The following HSD17B4 variants were observed in gnomAD, a reference collection of about 807,000 sequenced individuals.
The protein encoded by HSD17B4 is hydroxysteroid 17-beta dehydrogenase 4.
Under a neutral mutation model 101.0 loss-of-function variants are expected in HSD17B4, and 70 were observed. The observed-to-expected ratio is 0.69, with a 90% CI of 0.57 to 0.85. The LOEUF (loss-of-function observed/expected upper bound fraction) is 0.85. Ranked by LOEUF, HSD17B4 falls within the 40% of genes least tolerant of loss-of-function variation. The probability of loss-of-function intolerance (pLI) is 0.00; values close to 1 mark genes in which losing one functional copy is unlikely to be tolerated. For synonymous variants in HSD17B4, 347 were observed against 297.1 expected (o/e 1.17, Z -1.73); for missense variants, 984 against 892.4 (o/e 1.10, Z -1.31).
intron 4 of HSD17B4, among the ~76,000 whole-genome samples, chr5:119,474,795 A>T (rs1177730241): frequency 6.6e-6 from 1 of 152,208 alleles, no homozygotes; most frequent in Non-Finnish European, 1.5e-5. Context: ...TAGAGTACCC[A>T]GTGGATTCTT....
At chr5:119,524,345 G>A (rs534252055) in intron 17 of HSD17B4, among the ~76,000 whole-genome samples, 27 of 152,090 alleles carry the variant, frequency 1.8e-4, no homozygotes, top group Admixed American at 9.8e-4. Flanking sequence ...TAGTTTAAAA[G>A]TAATAAAAGA....
chr5:119,455,022 TATTC>T lies in HSD17B4; in HGVS notation c.59-1289_59-1286del, dbSNP rs556168540. ...CTAAATATAAATTGTTAATTAAATTTATTCATTTGTCAATGAAATTTATCAATTA... is the reference window on the plus strand; with the variant it reads ...CTAAATATAAATTGTTAATTAAATTTATTTGTCAATGAAATTTATCAATTA... On this transcript the variant is annotated intron_variant, in intron 1 of 23. Transcript: ENST00000510025. Among the ~76,000 whole-genome samples the T allele has an allele frequency of 4.6e-5, 7 of 152,370 alleles. No individual in the cohort carries two copies. In the East Asian group the frequency reaches 1.3e-3, roughly 29 times the overall value.
Position 119,452,528 on chromosome 5 carries a change from G to A in HSD17B4, c.-48G>A, listed in dbSNP as rs1382403592. On this transcript the variant is annotated 5_prime_UTR_variant, in exon 1 of 24. Transcript: ENST00000510025. ...CGCCTCCTCCTGTCCCGCAGTCGGC[G>A]TCCAGCGGCTCTGCTTGTTCGTGTG... The A allele has an allele frequency of 1.2e-6, 2 of 1,613,424 alleles. No individual in the cohort carries two copies. Among genetic ancestry groups the A allele is most frequent in the South Asian group, 2.2e-5 (2 of 91,044 alleles).
intron 2 of HSD17B4, 76 bp downstream of exon 2, chr5:119,456,444 C>T (rs923519867): frequency 5.1e-6 from 5 of 973,590 alleles, no homozygotes; most frequent in African/African-American, 1.6e-5. Context: ...CTTTGTCTTT[C>T]TATCAAATAA....
chr5:119,495,249 CT>C (rs1316274773), intron 11 of HSD17B4, among the ~76,000 whole-genome samples: 3 of 152,086 alleles, frequency 2.0e-5, no homozygotes, highest in Non-Finnish European at 4.4e-5. Context: ...ATAGGAAAAA[CT>C]TTCCTCTGAT....
intron 10 of HSD17B4, 40 bp downstream of exon 10, chr5:119,492,164 C>A: frequency 6.7e-7 from 1 of 1,502,646 alleles, no homozygotes; most frequent in Middle Eastern, 1.7e-4. Flanking sequence ...AGATTATTTC[C>A]TTATCTTTAA....
chr5:119,539,363 A>G (rs1224267737), intron 23 of HSD17B4, among the ~76,000 whole-genome samples: 1 of 147,254 alleles, frequency 6.8e-6, no homozygotes, highest in African/African-American at 2.5e-5. Context: ...GCATGTTCTC[A>G]CATGTGGGAA....
In HSD17B4 at chr5:119,506,834, A is replaced by T. The variant is rs780820166; in HGVS notation, c.1278A>T (p.Glu426Asp). Residue 426 changes from glutamate (E) to aspartate (D), a missense_variant, in exon 15 of 24, where the codon GAA becomes GAT. By Grantham distance (45) the Glu-to-Asp change is conservative. Coordinates refer to ENST00000510025, the MANE Select transcript of HSD17B4 (RefSeq NM_000414.4). Reference sequence around the variant, plus strand: ...TCTTTCTAGGAAAATTAAAATGTGAAGCAGTTGTTGCTGATGTCCTAGATA... The same window carrying T: ...TCTTTCTAGGAAAATTAAAATGTGATGCAGTTGTTGCTGATGTCCTAGATA... ...PLPRAGKLKC[E>D]AVVADVLDKG... 2.8e-5 allele frequency: 44 copies of T among 1,582,410 alleles called. No homozygotes were observed. In the Admixed American group the frequency reaches 7.3e-4, roughly 26 times the overall value.
intron 2 of HSD17B4, among the ~76,000 whole-genome samples, chr5:119,462,054 C>G (rs1422268603): frequency 6.6e-6 from 1 of 151,926 alleles, no homozygotes; most frequent in Non-Finnish European, 1.5e-5. Context: ...AAAAAAAACC[C>G]TCCAGGGTTA....
rs142889209 is a variant in HSD17B4, at chr5:119,452,586, C to G, written c.11C>G (p.Pro4Arg). The G allele has an allele frequency of 2.8e-4, 451 of 1,614,044 alleles. 1 individual carries two copies. The highest frequency in any genetic ancestry group is 4.9e-4 in the South Asian group (45 of 91,090). The part of the protein sequence containing the change: MGS[P>R]LRFDGRVVLV... ...TTGCAGGCCTTATTCATGGGCTCAC[C>G]GCTGAGGTTCGACGGGCGGGTGGTA... The change falls in exon 1 of 24, where the codon CCG (proline) becomes CGG (arginine). Residue 4 changes from proline (P) to arginine (R), a missense_variant. Pro to Arg is a moderately radical substitution (Grantham distance 103). Coordinates refer to ENST00000510025, the MANE Select transcript of HSD17B4 (RefSeq NM_000414.4).
intron 2 of HSD17B4, among the ~76,000 whole-genome samples, chr5:119,465,438 C>T (rs528359060): frequency 5.3e-5 from 8 of 152,332 alleles, no homozygotes; most frequent in Admixed American, 2.6e-4. Context: ...CTTGCTGCCA[C>T]TCTTGCCATT....
intron 10 of HSD17B4, chr5:119,493,505 A>G: frequency 3.3e-6 from 1 of 302,884 alleles, no homozygotes; most frequent in Non-Finnish European, 6.4e-6. Context: ...GTGGTCATGA[A>G]GTCAGTCTTT....
intron 14 of HSD17B4, 129 bp downstream of exon 14, chr5:119,502,221 G>A (rs1751236659): frequency 1.4e-6 from 1 of 695,332 alleles, no homozygotes; most frequent in Non-Finnish European, 2.6e-6. Context: ...TTATGCACAT[G>A]TGAGCCATTA....
intron 13 of HSD17B4, 23 bp from the exon 14 acceptor site, chr5:119,502,018 A>C: frequency 6.5e-7 from 1 of 1,528,940 alleles, no homozygotes; most frequent in Non-Finnish European, 9.1e-7. Context: ...TTTGCTAATA[A>C]AATTTTGTTT....
chr5:119,520,018 G>A (rs1211195669), intron 17 of HSD17B4, among the ~76,000 whole-genome samples: 2 of 152,074 alleles, frequency 1.3e-5, no homozygotes, highest in Admixed American at 1.3e-4. Flanking sequence ...AGCACCCATC[G>A]CCTTTAGTTT....
chr5:119,494,123 T>A (rs1362505082), intron 11 of HSD17B4, among the ~76,000 whole-genome samples, 177 bp downstream of exon 11: 1 of 152,224 alleles, frequency 6.6e-6, no homozygotes, highest in African/African-American at 2.4e-5. Flanking sequence ...ATTTATGTTA[T>A]TCTCACTGTC....
intron 9 of HSD17B4, among the ~76,000 whole-genome samples, chr5:119,490,554 GT>G (rs1750008060): frequency 6.6e-6 from 1 of 151,842 alleles, no homozygotes; most frequent in Non-Finnish European, 1.5e-5. Context: ...TATTAGATAT[GT>G]GTTTTATTTT....
chr5:119,499,725 G>T, intron 13 of HSD17B4, 172 bp downstream of exon 13: 1 of 406,546 alleles, frequency 2.5e-6, no homozygotes. Context: ...TAAAAGAGGG[G>T]AGAGTTAGTT....
At chr5:119,539,337 C>CA (rs1223044574) in intron 23 of HSD17B4, among the ~76,000 whole-genome samples, 31 of 138,906 alleles carry the variant, frequency 2.2e-4, no homozygotes, top group Admixed American at 9.0e-4. Context: ...ATTGCAAGGA[C>CA]AAAAAACCAA....
Sources: allele counts gnomAD v4.1 joint callset (sites outside exome capture counted in the v4.1 genomes callset), GRCh38; gene constraint gnomAD v4.1.1; transcripts MANE v1.5; gene names NCBI Gene and HGNC (gene_info 2026-07-23, HGNC 2026-07-21).